The following ARHGAP44 variants were observed in gnomAD, a reference collection of about 807,000 sequenced individuals.
ARHGAP44 encodes rho GTPase-activating protein 44.
ARHGAP44 carries 43 observed loss-of-function variants against 106.8 expected under a neutral mutation model. The ratio of observed to expected loss-of-function variants is 0.40; its 90% CI spans 0.32 to 0.52. ARHGAP44 has a LOEUF of 0.52. ARHGAP44 is among the 20% of genes least tolerant of loss of function. The probability of loss-of-function intolerance (pLI) is 0.48; values close to 1 mark genes in which losing one functional copy is unlikely to be tolerated. For synonymous variants in ARHGAP44, 439 were observed against 410.3 expected (o/e 1.07, Z -0.85); for missense variants, 866 against 1,050.5 (o/e 0.82, Z 2.43).
At chr17:12,945,719 A>G (rs1598097842) in intron 10 of ARHGAP44, among the ~76,000 whole-genome samples, 2 of 152,216 alleles carry the variant, frequency 1.3e-5, no homozygotes, top group East Asian at 3.9e-4. Flanking sequence ...AGGAATGGGA[A>G]TAAATGTGTA....
rs895722846 is a variant in ARHGAP44, at chr17:12,949,542, G to T, written c.974-107G>T. 10 of 1,028,874 alleles carry T rather than the reference G, an allele frequency of 9.7e-6. No individual in the cohort carries two copies. Among genetic ancestry groups the T allele is most frequent in the Admixed American group, 6.7e-5 (3 of 44,484 alleles). The allele number at this position is 1,028,874 out of a possible 1,614,324, so 63.7% of individuals were successfully genotyped here. ...GCTACCATTTGCTGTTGACATGGTG[G>T]TCAGGAGGCCCATCCCCAGATGGAA... On this transcript the variant is annotated intron_variant, in intron 11 of 20. Coordinates refer to ENST00000379672, the MANE Select transcript of ARHGAP44 (RefSeq NM_014859.6). This position sits in a 1 kb window ranked among gnomAD's most constrained non-coding sequence, Gnocchi z 4.1.
intron 1 of ARHGAP44, among the ~76,000 whole-genome samples, chr17:12,821,098 A>G (rs2034757248): frequency 6.6e-6 from 1 of 152,212 alleles, no homozygotes; most frequent in African/African-American, 2.4e-5. Context: ...CGAATTTATC[A>G]TCTATTTGAA....
intron 20 of ARHGAP44, 62 bp from the exon 21 acceptor site, chr17:12,989,970 A>G: frequency 6.3e-7 from 1 of 1,581,496 alleles, no homozygotes; most frequent in Non-Finnish European, 8.7e-7. Context: ...ATTTGCCTAC[A>G]ACTAGGTTCT....
chr17:12,790,047 C>T, intron 1 of ARHGAP44, 156 bp downstream of exon 1: 1 of 637,924 alleles, frequency 1.6e-6, no homozygotes, highest in Non-Finnish European at 2.5e-6. Context: ...GGCGCGACCC[C>T]TCCTCCCTAA....
chr17:12,973,526 G>C, intron 17 of ARHGAP44: 1 of 603,538 alleles, frequency 1.7e-6, no homozygotes, highest in Non-Finnish European at 2.9e-6. Context: ...GTGTAGACAA[G>C]TGGGAGTGGC....
chr17:12,925,714 A>G (rs2038211712), intron 6 of ARHGAP44, among the ~76,000 whole-genome samples: 2 of 152,206 alleles, frequency 1.3e-5, no homozygotes, highest in African/African-American at 4.8e-5. Flanking sequence ...TACTTTAGTG[A>G]GAAGAAATGA....
intron 1 of ARHGAP44, among the ~76,000 whole-genome samples, chr17:12,865,439 T>C (rs891058142): frequency 6.6e-6 from 1 of 152,082 alleles, no homozygotes; most frequent in Non-Finnish European, 1.5e-5. Flanking sequence ...GGGAAAACAA[T>C]TGGTAAAGTG....
rs1567715961 is a variant in ARHGAP44, at chr17:12,970,383, A to AAAAAAGAAAAG, written c.1524-2909_1524-2908insGAAAAAGAAAA. Among the ~76,000 whole-genome samples, 151 of 140,280 alleles carry AAAAAAGAAAAG rather than the reference A, an allele frequency of 1.1e-3. 6 individuals carry two copies. Among genetic ancestry groups the AAAAAAGAAAAG allele is most frequent in the South Asian group, 2.0e-3 (9 of 4,450 alleles). 92.0% of individuals were successfully genotyped at this position (140,280 alleles called of 152,430 possible). A position where few individuals can be genotyped will look rare whatever the true frequency, so the allele number is the denominator to read the frequency against. ...CCTGTCTCAAAAAAAAAAAAAAAAA[A>AAAAAAGAAAAG]AAAAAGAAAAAGAAGAGAAGAGAAA... On this transcript the variant is annotated intron_variant, in intron 16 of 20. Transcript: ENST00000379672.
chr17:12,833,717 G>A (rs571936558), intron 1 of ARHGAP44, among the ~76,000 whole-genome samples: 6 of 152,280 alleles, frequency 3.9e-5, no homozygotes, highest in Non-Finnish European at 7.3e-5. Context: ...GAGACATAAG[G>A]CATCAATCAA....
In ARHGAP44 at chr17:12,927,640, C is replaced by T. The variant is rs79561891; in HGVS notation, c.465-1289C>T. Among the ~76,000 whole-genome samples, 749 of 152,328 alleles carry T rather than the reference C, an allele frequency of 4.9e-3. 3 individuals are homozygous for T. Among genetic ancestry groups the T allele is most frequent in the Non-Finnish European group, 8.8e-3 (597 of 68,044 alleles). The stretch of plus-strand genomic sequence containing the variant: ...CTCCTTCTCTAGTCAGTTGAAACAT[C>T]TGGCAACCCATGACCCAGCTTCCTG... On this transcript the variant is annotated intron_variant, in intron 6 of 20. Transcript: ENST00000379672.
intron 1 of ARHGAP44, among the ~76,000 whole-genome samples, chr17:12,847,124 A>G (rs1012570519): frequency 6.6e-6 from 1 of 152,172 alleles, no homozygotes; most frequent in Non-Finnish European, 1.5e-5. Flanking sequence ...TTGATAGGTT[A>G]AGTTCTTTAA....
At chr17:12,920,997 A>T (rs530278419) in intron 6 of ARHGAP44, among the ~76,000 whole-genome samples, 1 of 152,194 alleles carries the variant, frequency 6.6e-6, no homozygotes, top group Non-Finnish European at 1.5e-5. Flanking sequence ...GAGTATTAAT[A>T]TGGAAAGAAC....
At chr17:12,815,835 T>C (rs1425311548) in intron 1 of ARHGAP44, among the ~76,000 whole-genome samples, 5 of 152,110 alleles carry the variant, frequency 3.3e-5, no homozygotes, top group Non-Finnish European at 7.4e-5. Context: ...AATAAGGAGA[T>C]GAGCAGGCAG....
chr17:12,884,216 A>G (rs887625752), intron 1 of ARHGAP44, among the ~76,000 whole-genome samples: 3 of 152,162 alleles, frequency 2.0e-5, no homozygotes, highest in South Asian at 4.1e-4. Flanking sequence ...TTTTGCTTTT[A>G]ACTAGAATAT....
At chr17:12,951,605 A>C (rs1285845798) in intron 12 of ARHGAP44, among the ~76,000 whole-genome samples, 2 of 152,198 alleles carry the variant, frequency 1.3e-5, no homozygotes, top group Non-Finnish European at 2.9e-5. Flanking sequence ...TCATTTGCAA[A>C]TGTGGGTCTC....
intron 1 of ARHGAP44, among the ~76,000 whole-genome samples, chr17:12,822,262 T>C (rs1386571080): frequency 1.3e-5 from 2 of 152,224 alleles, no homozygotes; most frequent in African/African-American, 2.4e-5. Flanking sequence ...TAATCATGGA[T>C]ATTTGAATTT....
At chr17:12,897,663 C>T (rs151247833) in intron 3 of ARHGAP44, among the ~76,000 whole-genome samples, 54 of 149,088 alleles carry the variant, frequency 3.6e-4, no homozygotes, top group Non-Finnish European at 6.4e-4. Flanking sequence ...ACTCCAGGAA[C>T]GGTTCCGGAT....
chr17:12,896,601 A>G, intron 3 of ARHGAP44, 90 bp downstream of exon 3: 1 of 1,131,960 alleles, frequency 8.8e-7, no homozygotes, highest in East Asian at 2.6e-5. Flanking sequence ...GTAGCTGTTT[A>G]TGTAGCTGCT....
At chr17:12,825,745 A>C (rs956571705) in intron 1 of ARHGAP44, among the ~76,000 whole-genome samples, 2 of 152,208 alleles carry the variant, frequency 1.3e-5, no homozygotes, top group African/African-American at 4.8e-5. Flanking sequence ...GTATTTTACC[A>C]GTTACTGGGT....
Sources: gnomAD v4.1 joint callset for allele counts (sites outside exome capture counted in the v4.1 genomes callset) on GRCh38, gnomAD v4.1.1 for gene constraint, Gnocchi (gnomAD v3.1) non-coding constraint, MANE v1.5 for transcripts, NCBI Gene and HGNC (gene_info 2026-07-23, HGNC 2026-07-21) for gene names.